Variants in NRXN3 observed in about 807,000 individuals in gnomAD.
NRXN3 encodes neurexin 3, also known as neurexin III.
A neutral mutation model predicts 137.6 loss-of-function variants in NRXN3; 32 were observed. The observed-to-expected ratio is 0.23, with a 90% CI of 0.18 to 0.31. The LOEUF is 0.31. Ranked by LOEUF, NRXN3 falls within the 10% of genes least tolerant of loss-of-function variation. NRXN3 has a pLI of 1.00. For missense variants in NRXN3, 1,574 were observed against 2,062.5 expected, an observed-to-expected ratio of 0.76 and a Z score of 4.59; for synonymous variants, 798 against 784.5, an observed-to-expected ratio of 1.02 and a Z score of -0.29.
chr14:79,365,983 C>G (rs1202070829), intron 15 of NRXN3, among the ~76,000 whole-genome samples: 1 of 151,994 alleles, frequency 6.6e-6, no homozygotes, highest in Non-Finnish European at 1.5e-5. Flanking sequence ...GTGACTAGTA[C>G]TATGCTAGGG....
chr14:78,250,827 G>A (rs1327426253), intron 2 of NRXN3, among the ~76,000 whole-genome samples: 2 of 152,218 alleles, frequency 1.3e-5, no homozygotes, highest in African/African-American at 2.4e-5. Flanking sequence ...CAAATGGCCT[G>A]TGTCTCTGTC....
chr14:79,561,143 G>A (rs2097492158), intron 16 of NRXN3, among the ~76,000 whole-genome samples: 1 of 152,182 alleles, frequency 6.6e-6, no homozygotes, highest in Non-Finnish European at 1.5e-5. Flanking sequence ...GGGGAGAGAA[G>A]AGAGAAAGAA....
intron 19 of NRXN3, among the ~76,000 whole-genome samples, chr14:79,756,666 C>G (rs771218070): frequency 6.6e-6 from 1 of 152,108 alleles, no homozygotes; most frequent in Non-Finnish European, 1.5e-5. Context: ...ATCTAACTTT[C>G]TTATACCAGT....
chr14:79,725,569 G>T (rs940754129), intron 19 of NRXN3, among the ~76,000 whole-genome samples: 2 of 152,080 alleles, frequency 1.3e-5, no homozygotes, highest in African/African-American at 4.8e-5. Context: ...GCCGGGCTAG[G>T]TTATGTTCCG....
rs8006436 is a variant in NRXN3 at position 79,407,177 on chromosome 14, T to C, written c.3263-60044T>C. 8.7e-3 allele frequency among the ~76,000 whole-genome samples: 1,317 copies of C among 152,184 alleles called. 32 individuals carry two copies. The East Asian group carries it at 0.099, about 11-fold the overall frequency. Reference sequence around the variant, plus strand: ...TCTTCAATCCAGACACAAAAAAAGGTTTTAAAATTTTTTGTGTGTCTCCAT... The same window carrying C: ...TCTTCAATCCAGACACAAAAAAAGGCTTTAAAATTTTTTGTGTGTCTCCAT... On this transcript the variant is annotated intron_variant, in intron 15 of 20. Coordinates refer to ENST00000335750, the MANE Select transcript of NRXN3 (RefSeq NM_001330195.2).
intron 15 of NRXN3, among the ~76,000 whole-genome samples, chr14:79,229,907 C>T (rs1197442153): frequency 6.6e-6 from 1 of 152,068 alleles, no homozygotes. Flanking sequence ...TCAGCATGCA[C>T]AGGCTTCCTA....
At chr14:79,327,877 A>G (rs542136543) in intron 15 of NRXN3, among the ~76,000 whole-genome samples, 1 of 152,222 alleles carries the variant, frequency 6.6e-6, no homozygotes, top group Admixed American at 6.5e-5. Context: ...TGATGTACAG[A>G]TAAGAAAAGC....
intron 15 of NRXN3, among the ~76,000 whole-genome samples, chr14:79,191,751 C>T (rs1381725221): frequency 6.6e-6 from 1 of 152,142 alleles, no homozygotes; most frequent in Non-Finnish European, 1.5e-5. Flanking sequence ...TAAATGTATA[C>T]AGCAGGTGAT....
chr14:79,080,303 A>G (rs542380835), intron 15 of NRXN3, among the ~76,000 whole-genome samples: 1 of 152,308 alleles, frequency 6.6e-6, no homozygotes, highest in South Asian at 2.1e-4. Flanking sequence ...TTGCCTAATA[A>G]TAAACACTGG....
intron 10 of NRXN3, among the ~76,000 whole-genome samples, chr14:78,948,317 C>T (rs1335631363): frequency 1.3e-5 from 2 of 152,212 alleles, no homozygotes; most frequent in East Asian, 1.9e-4. Flanking sequence ...TTCATTGGCT[C>T]CCTTCCCCTC....
intron 4 of NRXN3, among the ~76,000 whole-genome samples, chr14:78,395,775 T>G (rs1362268044): frequency 6.6e-6 from 1 of 152,016 alleles, no homozygotes; most frequent in Non-Finnish European, 1.5e-5. Context: ...TGTCCTGAAG[T>G]CTAATGTATT....
intron 4 of NRXN3, among the ~76,000 whole-genome samples, chr14:78,620,005 T>C (rs148532301): frequency 9.2e-5 from 14 of 152,256 alleles, no homozygotes; most frequent in African/African-American, 2.2e-4. Context: ...CCTCCAGAAC[T>C]GTGCAAAATA....
At position 78,585,143 on chromosome 14, in the gene NRXN3, G is replaced by T. The variant is rs557172003; in HGVS notation, c.758-59977G>T. On this transcript the variant is annotated intron_variant, in intron 4 of 20. Coordinates refer to ENST00000335750, the MANE Select transcript of NRXN3 (RefSeq NM_001330195.2). The stretch of plus-strand genomic sequence containing the variant: ...TAAGAAGAAATAGGGGAGATAAGGG[G>T]GGGGGGTGATTAATTTATGTAGACA... Among the ~76,000 whole-genome samples, 9 of 148,940 alleles carry T rather than the reference G, an allele frequency of 6.0e-5. No homozygotes were observed. In the East Asian group the frequency reaches 8.4e-4, roughly 14 times the overall value.
chr14:78,194,612 G>T (rs186319911), intron 1 of NRXN3, among the ~76,000 whole-genome samples: 4 of 152,306 alleles, frequency 2.6e-5, no homozygotes, highest in African/African-American at 9.6e-5. Flanking sequence ...TGGTTGCCTA[G>T]GGCCTTGGGA....
intron 2 of NRXN3, among the ~76,000 whole-genome samples, chr14:78,277,410 GACCTAGGCTTC>G (rs1265963582): frequency 6.6e-6 from 1 of 152,166 alleles, no homozygotes; most frequent in Non-Finnish European, 1.5e-5. Flanking sequence ...GCTCTTGAGG[GACCTAGGCTTC>G]AGTTGAATGA....
chr14:79,056,257 T>A (rs2099662277), intron 15 of NRXN3, among the ~76,000 whole-genome samples: 1 of 152,162 alleles, frequency 6.6e-6, no homozygotes, highest in African/African-American at 2.4e-5. Context: ...TGATTTATTT[T>A]TTCTGTTCAT....
At chr14:79,000,057 A>G (rs2099538250) in intron 15 of NRXN3, among the ~76,000 whole-genome samples, 1 of 152,142 alleles carries the variant, frequency 6.6e-6, no homozygotes, top group South Asian at 2.1e-4. Flanking sequence ...GCAAATTTTT[A>G]TTTCCCTGTA....
intron 19 of NRXN3, among the ~76,000 whole-genome samples, chr14:79,699,126 C>G (rs2098745554): frequency 6.6e-6 from 1 of 151,928 alleles, no homozygotes; most frequent in Non-Finnish European, 1.5e-5. Context: ...TTCTAAAAAC[C>G]TGGTTAGCAT....
At chr14:78,316,873 G>T (rs1174016908) in intron 4 of NRXN3, among the ~76,000 whole-genome samples, 2 of 152,138 alleles carry the variant, frequency 1.3e-5, no homozygotes, top group African/African-American at 4.8e-5. Context: ...ATGGCTGATG[G>T]CCATTCCCAG....
Sources: gnomAD v4.1 joint callset for allele counts (sites outside exome capture counted in the v4.1 genomes callset) on GRCh38, gnomAD v4.1.1 for gene constraint, MANE v1.5 for transcripts, NCBI Gene and HGNC (gene_info 2026-07-23, HGNC 2026-07-21) for gene names.